THSD7A: variants seen among roughly 807,000 people sequenced by gnomAD.
THSD7A encodes the protein thrombospondin type 1 domain containing 7A, also known as thrombospondin type-1 domain-containing protein 7A.
Under a neutral mutation model 231.3 loss-of-function variants are expected in THSD7A, and 96 were observed. That is an observed-to-expected ratio of 0.41 (90% CI 0.35 to 0.49). The LOEUF is 0.49. THSD7A is among the 20% of genes least tolerant of loss of function. The pLI is 0.05. For missense variants in THSD7A, 2,290 were observed against 2,070.2 expected, an observed-to-expected ratio of 1.11 and a Z score of -2.06; for synonymous variants, 940 against 743.3, an observed-to-expected ratio of 1.26 and a Z score of -4.30.
At chr7:11,520,817 C>T (rs943080143) in intron 6 of THSD7A, among the ~76,000 whole-genome samples, 1 of 152,148 alleles carries the variant, frequency 6.6e-6, no homozygotes, top group African/African-American at 2.4e-5. Flanking sequence ...AAGCCTTCTT[C>T]TGTTGGATAA....
intron 1 of THSD7A, among the ~76,000 whole-genome samples, chr7:11,787,446 G>A (rs1387932966): frequency 6.6e-6 from 1 of 151,980 alleles, no homozygotes; most frequent in Non-Finnish European, 1.5e-5. Context: ...TCTCTGGGAA[G>A]ACACTGCTAA....
At position 11,444,484 on chromosome 7, in the gene THSD7A, C is replaced by T. The variant is rs1361012888; in HGVS notation, c.3064+1577G>A. ...GGATGAAGCTGGAAACCGTCATGCC[C>T]AGCAAACTAACACAAGAACAGAAAA... On this transcript the variant is annotated intron_variant, in intron 13 of 27. Coordinates refer to ENST00000423059, the MANE Select transcript of THSD7A (RefSeq NM_015204.3). The surrounding 1 kb of genome is among the most constrained non-coding windows in gnomAD (Gnocchi z 4.2). Among the ~76,000 whole-genome samples the T allele has an allele frequency of 1.3e-5, 2 of 151,906 alleles. No individual in the cohort carries two copies. Among genetic ancestry groups the T allele is most frequent in the Non-Finnish European group, 2.9e-5 (2 of 67,968 alleles).
At chr7:11,456,581 G>A (rs1417726538) in intron 11 of THSD7A, among the ~76,000 whole-genome samples, 8 of 151,908 alleles carry the variant, frequency 5.3e-5, no homozygotes, top group Non-Finnish European at 1.0e-4. Flanking sequence ...TAGAAGTTCT[G>A]ACTACATCAT....
intron 1 of THSD7A, among the ~76,000 whole-genome samples, chr7:11,795,293 G>A (rs747499430): frequency 1.1e-4 from 16 of 151,754 alleles, no homozygotes; most frequent in Non-Finnish European, 1.8e-4. Flanking sequence ...TCATTTTAGA[G>A]AGAAAAAATA....
chr7:11,740,237 T>A (rs1189688659), intron 1 of THSD7A, among the ~76,000 whole-genome samples: 1 of 151,878 alleles, frequency 6.6e-6, no homozygotes, highest in Non-Finnish European at 1.5e-5. Flanking sequence ...CCACATTAAT[T>A]TGGAAGCCAT....
rs17164952 is a variant in THSD7A, at chr7:11,634,872, T to A, written c.1022+1258A>T. 1.3e-5 allele frequency among the ~76,000 whole-genome samples: 2 copies of A among 152,010 alleles called. No individual in the cohort carries two copies. The highest frequency in any genetic ancestry group is 2.9e-5 in the Non-Finnish European group (2 of 68,008). ...TTTTTGTTTATCTAATTAAACTATA[T>A]CCTTTTCCAAAAACACTTTAAACCA... On this transcript the variant is annotated intron_variant, in intron 2 of 27. Coordinates refer to ENST00000423059, the MANE Select transcript of THSD7A (RefSeq NM_015204.3). The surrounding 1 kb of genome is among the most constrained non-coding windows in gnomAD (Gnocchi z 4.1).
chr7:11,537,395 G>A (rs78862486), intron 6 of THSD7A, among the ~76,000 whole-genome samples: 3,148 of 152,282 alleles, frequency 0.021, 51 homozygotes, highest in Non-Finnish European at 0.029. Context: ...TGGATCACAG[G>A]GGTAGATTTC....
At chr7:11,696,544 C>T (rs909739721) in intron 1 of THSD7A, among the ~76,000 whole-genome samples, 4 of 151,246 alleles carry the variant, frequency 2.6e-5, no homozygotes, top group Non-Finnish European at 4.4e-5. Context: ...AGGTTTTAAG[C>T]CCTGCATGGA....
At chr7:11,657,852 C>A (rs940517220) in intron 1 of THSD7A, among the ~76,000 whole-genome samples, 1 of 151,596 alleles carries the variant, frequency 6.6e-6, no homozygotes, top group Non-Finnish European at 1.5e-5. Context: ...CAAGAATGAG[C>A]AGAAGGTAGC....
chr7:11,770,675 T>C (rs2128171468), intron 1 of THSD7A, among the ~76,000 whole-genome samples: 1 of 152,264 alleles, frequency 6.6e-6, no homozygotes, highest in East Asian at 1.9e-4. Flanking sequence ...CAATTCTAGA[T>C]TGTGTGATTT....
At chr7:11,694,444 C>T (rs1780327688) in intron 1 of THSD7A, among the ~76,000 whole-genome samples, 1 of 151,630 alleles carries the variant, frequency 6.6e-6, no homozygotes, top group African/African-American at 2.4e-5. Flanking sequence ...TATTCTATCT[C>T]CATTGTAGAG....
chr7:11,752,085 A>G (rs2128165136), intron 1 of THSD7A, among the ~76,000 whole-genome samples: 1 of 152,214 alleles, frequency 6.6e-6, no homozygotes. Flanking sequence ...TTAAACTACA[A>G]TTCAGACAAA....
At chr7:11,524,008 C>T (rs1583903570) in intron 6 of THSD7A, among the ~76,000 whole-genome samples, 1 of 152,014 alleles carries the variant, frequency 6.6e-6, no homozygotes, top group Non-Finnish European at 1.5e-5. Flanking sequence ...TTCTACTTTT[C>T]TATGTAAAAG....
chr7:11,794,608 G>A (rs999309187), intron 1 of THSD7A, among the ~76,000 whole-genome samples: 8 of 151,926 alleles, frequency 5.3e-5, no homozygotes, highest in Non-Finnish European at 7.4e-5. Flanking sequence ...TAAGGGGTCT[G>A]TACCAGTATT....
At chr7:11,771,492 C>A (rs1783226916) in intron 1 of THSD7A, among the ~76,000 whole-genome samples, 2 of 151,894 alleles carry the variant, frequency 1.3e-5, no homozygotes, top group Non-Finnish European at 2.9e-5. Flanking sequence ...GAAGTGGTAA[C>A]CATCAGATAA....
In THSD7A at chr7:11,373,145, T is replaced by C. The variant is rs1782126410; in HGVS notation, c.*2649A>G. On this transcript the variant is annotated 3_prime_UTR_variant, in exon 28 of 28. Transcript: ENST00000423059. Reference sequence around the variant, plus strand: ...ATTTATGAATAAAATGTATTTTTCATAACATTCTATAATTTTGATTTGCTA... The same window carrying C: ...ATTTATGAATAAAATGTATTTTTCACAACATTCTATAATTTTGATTTGCTA... 1 of 151,964 alleles carries C rather than the reference T, an allele frequency of 6.6e-6. No homozygotes were observed. Among genetic ancestry groups the C allele is most frequent in the Non-Finnish European group, 1.5e-5 (1 of 67,932 alleles). 9.4% of individuals were successfully genotyped at this position (151,964 alleles called of 1,614,324 possible).
chr7:11,448,130 TTTA>T (rs1337124711), intron 11 of THSD7A, among the ~76,000 whole-genome samples: 1 of 152,160 alleles, frequency 6.6e-6, no homozygotes, highest in Non-Finnish European at 1.5e-5. Context: ...ATAATCTTCA[TTTA>T]TTATGTTAAA....
chr7:11,698,857 G>A (rs946308153), intron 1 of THSD7A, among the ~76,000 whole-genome samples: 4 of 151,308 alleles, frequency 2.6e-5, no homozygotes, highest in Non-Finnish European at 3.0e-5. Flanking sequence ...ACGTAGAAGT[G>A]GAGAATCAGA....
rs1406000768 is a variant in THSD7A at position 11,469,896 on chromosome 7, G to A, written c.2351C>T (p.Pro784Leu). The stretch of plus-strand genomic sequence containing the variant: ...GACCATACCTTCTTTACACGAAGAG[G>A]GGCATGATGTCCAGTCACTATATGG... Reference protein sequence around the residue: ...VTPYSDWTSCPSSCKEGDSSI... With the variant: ...VTPYSDWTSCLSSCKEGDSSI... Residue 784 changes from proline to leucine, a missense_variant, in exon 9 of 28, where the codon CCC (proline) becomes CTC (leucine). Pro to Leu is a moderately conservative substitution (Grantham distance 98). Transcript: ENST00000423059. 6.3e-7 allele frequency: 1 copy of A among 1,596,774 alleles called. No individual in the cohort carries two copies. The highest frequency in any genetic ancestry group is 8.5e-7 in the Non-Finnish European group (1 of 1,170,022).
Sources: allele counts gnomAD v4.1 joint callset (sites outside exome capture counted in the v4.1 genomes callset), GRCh38; gene constraint gnomAD v4.1.1; non-coding constraint Gnocchi (gnomAD v3.1); transcripts MANE v1.5; gene names NCBI Gene and HGNC (gene_info 2026-07-23, HGNC 2026-07-21).